Variants in ABLIM1 observed in about 807,000 individuals in gnomAD.
ABLIM1 encodes the protein actin binding LIM protein 1.
A neutral mutation model predicts 107.0 loss-of-function variants in ABLIM1; 40 were observed. The observed-to-expected ratio is 0.37, with a 90% confidence interval of 0.29 to 0.49. The LOEUF is 0.49. ABLIM1 is among the 20% of genes least tolerant of loss of function. The probability of loss-of-function intolerance (pLI) is 0.97; values close to 1 mark genes in which losing one functional copy is unlikely to be tolerated. For synonymous variants in ABLIM1, 357 were observed against 357.3 expected (o/e 1.00, Z 0.01); for missense variants, 857 against 1,008.5 (o/e 0.85, Z 2.04).
At chr10:114,536,341 G>A (rs1238607144) in intron 6 of ABLIM1, among the ~76,000 whole-genome samples, 1 of 137,554 alleles carries the variant, frequency 7.3e-6, no homozygotes, top group African/African-American at 2.7e-5. Flanking sequence ...TCTGCCTCCT[G>A]GGTTCAAGTG....
At chr10:114,595,678 A>C (rs1204359982) in intron 2 of ABLIM1, among the ~76,000 whole-genome samples, 2 of 152,200 alleles carry the variant, frequency 1.3e-5, no homozygotes, top group African/African-American at 4.8e-5. Context: ...TCTGCTTTTC[A>C]TTTAATTACA....
Position 114,447,903 on chromosome 10 carries a change from C to A in ABLIM1, c.1712G>T (p.Gly571Val). 2 of 1,614,068 alleles carry A rather than the reference C, an allele frequency of 1.2e-6. No individual in the cohort carries two copies. Among genetic ancestry groups the A allele is most frequent in the Middle Eastern group, 3.3e-4 (2 of 6,062 alleles). The change falls in exon 15 of 23, where the codon GGT becomes GTT. Residue 571 changes from glycine (G) to valine (V), a missense_variant. Transcript: ENST00000533213. ...ACCTACGACAGCAAATGAGGGGGGA[C>A]CAGGCCAGTGGTCCGTCTCAATCTT... ...TPKIETDHWP[G>V]PPSFAVVGPD...
chr10:114,690,629 G>A, intron 1 of ABLIM1: 4 of 757,364 alleles, frequency 5.3e-6, no homozygotes, highest in Non-Finnish European at 9.5e-6. Flanking sequence ...AGAACACCGT[G>A]GGATTGACTA....
chr10:114,691,542 G>T (rs2081079556), intron 1 of ABLIM1, among the ~76,000 whole-genome samples: 1 of 152,078 alleles, frequency 6.6e-6, no homozygotes, highest in South Asian at 2.1e-4. Flanking sequence ...AAAACAACAG[G>T]CATTTCTCTT....
At chr10:114,719,742 T>C (rs1309676827) in intron 1 of ABLIM1, among the ~76,000 whole-genome samples, 1 of 152,184 alleles carries the variant, frequency 6.6e-6, no homozygotes, top group Non-Finnish European at 1.5e-5. Context: ...GCTTTAGCAT[T>C]CTGGTGGCCT....
At chr10:114,477,637 C>CT (rs2056676690) in intron 8 of ABLIM1, among the ~76,000 whole-genome samples, 1 of 152,230 alleles carries the variant, frequency 6.6e-6, no homozygotes, top group East Asian at 1.9e-4. Flanking sequence ...AGGGAAGGGT[C>CT]TTTAACAGCA....
chr10:114,463,225 A>T, intron 12 of ABLIM1: 1 of 1,204,994 alleles, frequency 8.3e-7, no homozygotes, highest in Non-Finnish European at 1.1e-6. Context: ...ACAGAAATTA[A>T]CACAGGAGCA....
intron 1 of ABLIM1, among the ~76,000 whole-genome samples, chr10:114,693,240 T>C (rs1228677537): frequency 6.6e-6 from 1 of 152,234 alleles, no homozygotes; most frequent in Non-Finnish European, 1.5e-5. Flanking sequence ...TCAGCTCTTA[T>C]GCTTTATTTT....
At chr10:114,756,978 G>A (rs940258833) in intron 1 of ABLIM1, among the ~76,000 whole-genome samples, 1 of 152,120 alleles carries the variant, frequency 6.6e-6, no homozygotes, top group African/African-American at 2.4e-5. Flanking sequence ...CCTGAGCCTG[G>A]CTCATACCAA....
the ABLIM1 span, among the ~76,000 whole-genome samples, chr10:114,787,376 C>T: frequency 3.3e-5 from 5 of 151,590 alleles, no homozygotes; most frequent in Non-Finnish European, 5.9e-5. Context: ...CGTCTCCACC[C>T]GGCAGCCACC....
At chr10:114,591,583 C>T (rs1332194151) in intron 2 of ABLIM1, among the ~76,000 whole-genome samples, 2 of 152,138 alleles carry the variant, frequency 1.3e-5, no homozygotes, top group Non-Finnish European at 2.9e-5. Flanking sequence ...AGAGAGAATA[C>T]TTTCTCACTG....
chr10:114,552,112 T>TG (rs1190274589), intron 4 of ABLIM1, among the ~76,000 whole-genome samples: 1 of 152,160 alleles, frequency 6.6e-6, no homozygotes, highest in Non-Finnish European at 1.5e-5. Context: ...CGAAGTATTC[T>TG]GGTATATTTC....
chr10:114,456,973 A>G (rs568928246), intron 12 of ABLIM1, among the ~76,000 whole-genome samples: 2 of 151,650 alleles, frequency 1.3e-5, no homozygotes, highest in East Asian at 3.9e-4. Flanking sequence ...CAAATTTTGT[A>G]AGCAGATGTA....
chr10:114,543,598 G>A (rs930272730), intron 6 of ABLIM1, among the ~76,000 whole-genome samples: 2 of 152,304 alleles, frequency 1.3e-5, no homozygotes, highest in South Asian at 4.1e-4. Context: ...GTGAACGCGT[G>A]CGTACATAGA....
chr10:114,509,998 T>G (rs2061634023), intron 6 of ABLIM1, among the ~76,000 whole-genome samples: 1 of 152,170 alleles, frequency 6.6e-6, no homozygotes, highest in Non-Finnish European at 1.5e-5. Context: ...TCAGATTTTG[T>G]GAGACTTATT....
In ABLIM1 at chr10:114,491,825, C is replaced by G. The variant is rs766636587; in HGVS notation, c.948G>C (p.Gln316His). 6.8e-6 allele frequency: 11 copies of G among 1,612,524 alleles called. No homozygotes were observed. Among genetic ancestry groups the G allele is most frequent in the Non-Finnish European group, 8.5e-6 (10 of 1,178,812 alleles). The change falls in exon 7 of 23, where the codon CAG (glutamine) becomes CAC (histidine). Residue 316 changes from glutamine (Q) to histidine (H), a missense_variant. Gln to His is a conservative substitution (Grantham distance 24). Transcript: ENST00000533213. ...ACATTTCCTCTCCTTCTGTGAACAT[C>G]TGGTTGCATCTGCTGCATCGTGCAC... ...PSCARCSRCN[Q>H]MFTEGEEMYL...
chr10:114,562,454 A>G (rs1565941349), intron 4 of ABLIM1, among the ~76,000 whole-genome samples: 1 of 152,164 alleles, frequency 6.6e-6, no homozygotes. Context: ...GTGTGAATCC[A>G]GGAGGCGGAG....
At chr10:114,783,464 T>C in the ABLIM1 span, among the ~76,000 whole-genome samples, 1 of 152,038 alleles carries the variant, frequency 6.6e-6, no homozygotes, top group South Asian at 2.1e-4. Flanking sequence ...GGGCTACAGA[T>C]ACAAATCCAA....
At chr10:114,446,908 T>C (rs1428480754) in intron 15 of ABLIM1, among the ~76,000 whole-genome samples, 1 of 152,226 alleles carries the variant, frequency 6.6e-6, no homozygotes, top group Non-Finnish European at 1.5e-5. Context: ...TTCATTAATA[T>C]AATGTACACA....
Sources: allele counts gnomAD v4.1 joint callset (sites outside exome capture counted in the v4.1 genomes callset), GRCh38; gene constraint gnomAD v4.1.1; transcripts MANE v1.5; gene names NCBI Gene and HGNC (gene_info 2026-07-23, HGNC 2026-07-21).